FREM2: variants seen among roughly 807,000 people sequenced by gnomAD.
FREM2 encodes FRAS1 related extracellular matrix 2.
Under a neutral mutation model 219.9 loss-of-function variants are expected in FREM2, and 119 were observed. The observed-to-expected ratio is 0.54, with a 90% CI of 0.47 to 0.63. FREM2 has a LOEUF of 0.63. Ranked by LOEUF, FREM2 falls within the 30% of genes least tolerant of loss-of-function variation. The pLI is 0.00. For synonymous variants in FREM2, 1,562 were observed against 1,522.8 expected (o/e 1.03, Z -0.60); for missense variants, 4,030 against 3,993.6 (o/e 1.01, Z -0.25).
chr13:38,801,901 G>A (rs1057323697), intron 6 of FREM2, among the ~76,000 whole-genome samples: 1 of 152,188 alleles, frequency 6.6e-6, no homozygotes. Context: ...TGGATATAAT[G>A]TGGGAACCCA....
chr13:38,821,223 A>T (rs544859759), intron 6 of FREM2, among the ~76,000 whole-genome samples: 1 of 152,026 alleles, frequency 6.6e-6, no homozygotes, highest in Non-Finnish European at 1.5e-5. Context: ...TGGACATCAG[A>T]TCTTCTTTTC....
intron 2 of FREM2, among the ~76,000 whole-genome samples, chr13:38,755,376 C>A (rs929539565): frequency 6.6e-6 from 1 of 152,104 alleles, no homozygotes; most frequent in Non-Finnish European, 1.5e-5. Context: ...GGCCACATAA[C>A]TGTGTGGTGA....
chr13:38,827,521 CTG>C (rs1302000752), intron 6 of FREM2: 3 of 152,098 alleles, frequency 2.0e-5, no homozygotes, highest in African/African-American at 7.2e-5. Flanking sequence ...ATACACCAGA[CTG>C]TATGTTTCTC....
intron 11 of FREM2, among the ~76,000 whole-genome samples, chr13:38,852,686 G>A (rs934772108): frequency 6.7e-6 from 1 of 149,828 alleles, no homozygotes; most frequent in African/African-American, 2.5e-5. Context: ...TTTTGCAAAT[G>A]TTGGGCCATG....
At chr13:38,789,721 A>G (rs1484433736) in intron 6 of FREM2, among the ~76,000 whole-genome samples, 6 of 150,842 alleles carry the variant, frequency 4.0e-5, no homozygotes, top group Non-Finnish European at 7.4e-5. Flanking sequence ...CTATATTTGC[A>G]TTTTGAGAAG....
At chr13:38,783,231 A>G (rs745903726) in intron 5 of FREM2, 36 bp downstream of exon 5, 4 of 1,611,880 alleles carry the variant, frequency 2.5e-6, no homozygotes, top group East Asian at 2.2e-5. Context: ...GATAACCCCC[A>G]AAAGATATAA....
intron 2 of FREM2, among the ~76,000 whole-genome samples, chr13:38,758,916 C>T (rs996918013): frequency 5.3e-5 from 8 of 152,066 alleles, no homozygotes; most frequent in African/African-American, 1.9e-4. Context: ...ACCTATAGTC[C>T]CAACTACTCA....
chr13:38,877,076 G>A, intron 20 of FREM2, 41 bp from the exon 21 acceptor site: 1 of 1,612,526 alleles, frequency 6.2e-7, no homozygotes, highest in Non-Finnish European at 8.5e-7. Context: ...TGCACCATCA[G>A]AACCACTGAT....
Position 38,848,584 on chromosome 13 carries a change from T to C in FREM2, c.6293T>C (p.Phe2098Ser). The change falls in exon 8 of 24, where the codon TTT becomes TCT. Residue 2098 changes from phenylalanine to serine, a missense_variant. Coordinates refer to ENST00000280481, the MANE Select transcript of FREM2 (RefSeq NM_207361.6). ...CCAGCGCTGGAGGGAATTGAGAAAT[T>C]TGAACTGGTGCTTCGCATGCCTATG... Reference protein sequence around the residue: ...GQPALEGIEKFELVLRMPMNA... With the variant: ...GQPALEGIEKSELVLRMPMNA... 2 of 1,614,038 alleles carry C rather than the reference T, an allele frequency of 1.2e-6. No homozygotes were observed. Among genetic ancestry groups the C allele is most frequent in the Non-Finnish European group, 1.7e-6 (2 of 1,179,976 alleles).
In FREM2 at chr13:38,880,482, A is replaced by T. The variant is rs1312319411; in HGVS notation, c.9205A>T (p.Asn3069Tyr). The T allele has an allele frequency of 1.2e-6, 2 of 1,614,076 alleles. No homozygotes were observed. The highest frequency in any genetic ancestry group is 3.3e-5 in the Admixed American group (2 of 60,006). The change falls in exon 24 of 24, where the codon AAC becomes TAC. Residue 3069 changes from asparagine to tyrosine, a missense_variant. Physicochemically the swap from Asn to Tyr is moderately radical, Grantham distance 143 (BLOSUM62 -2). Around this residue, in one of 2 missense-constraint regions of FREM2, gnomAD observed 928 missense variants for 1,042.9 expected, o/e 0.89. Transcript: ENST00000280481. ...ACTGGCATGGGAGATTGGTGCTGAA[A>T]ACAGTCGAGGAACAAACATCCAGCA... The part of the protein sequence containing the change: ...PSLAWEIGAE[N>Y]SRGTNIQHIA...
At chr13:38,836,873 T>C (rs973464245) in intron 6 of FREM2, among the ~76,000 whole-genome samples, 2 of 152,116 alleles carry the variant, frequency 1.3e-5, no homozygotes, top group African/African-American at 2.4e-5. Flanking sequence ...GTATCTATTT[T>C]GTTAATATTT....
chr13:38,852,276 A>T (rs1332860134), intron 11 of FREM2, among the ~76,000 whole-genome samples: 1 of 152,142 alleles, frequency 6.6e-6, no homozygotes, highest in Non-Finnish European at 1.5e-5. Context: ...AAATATAGAC[A>T]TACTCTTTTA....
chr13:38,730,629 C>T (rs1024316303), intron 2 of FREM2, among the ~76,000 whole-genome samples: 1 of 152,178 alleles, frequency 6.6e-6, no homozygotes, highest in East Asian at 1.9e-4. Flanking sequence ...GGCAGCTCAC[C>T]CTCACTCCCA....
intron 11 of FREM2, among the ~76,000 whole-genome samples, chr13:38,852,486 A>G (rs997135628): frequency 2.0e-5 from 3 of 152,148 alleles, no homozygotes; most frequent in East Asian, 1.9e-4. Context: ...ATATTTTTCT[A>G]TGTAATTGCA....
intron 2 of FREM2, among the ~76,000 whole-genome samples, chr13:38,703,039 G>A (rs1415599265): frequency 2.0e-5 from 3 of 152,064 alleles, no homozygotes; most frequent in African/African-American, 7.2e-5. Context: ...TGTCATTTAA[G>A]GTCAAGGCTT....
chr13:38,700,235 C>A (rs1207332090), intron 2 of FREM2, among the ~76,000 whole-genome samples: 1 of 152,018 alleles, frequency 6.6e-6, no homozygotes, highest in Non-Finnish European at 1.5e-5. Flanking sequence ...AATTGTGTTA[C>A]CATGGGAATC....
In FREM2 at chr13:38,859,364, G is replaced by A. The variant is rs151086294; in HGVS notation, c.7293G>A (p.Thr2431=). 9.2e-5 allele frequency: 148 copies of A among 1,614,144 alleles called. No homozygotes were observed. In the African/African-American group the frequency reaches 1.5e-3, roughly 17 times the overall value. Residue 2431 remains threonine, a synonymous_variant, in exon 14 of 24, where the codon ACG becomes ACA. Transcript: ENST00000280481. ...GTGAGAACATCAATGACACTTTGAC[G>A]CGGTACCGGTGGCTGATTAGTGCAC... ...CASENINDTL[T]RYRWLISAPA... is the part of the protein sequence containing the mutation.
intron 6 of FREM2, among the ~76,000 whole-genome samples, chr13:38,836,337 G>A (rs758460932): frequency 2.0e-5 from 3 of 152,090 alleles, no homozygotes; most frequent in Admixed American, 6.5e-5. Flanking sequence ...TGCTGGATTC[G>A]GTTTGCCAGT....
chr13:38,711,966 C>A (rs2442367), intron 2 of FREM2, among the ~76,000 whole-genome samples: 92,176 of 140,666 alleles, frequency 0.66, 31,577 homozygotes, highest in Middle Eastern at 0.79. Context: ...GTTGCCCAGG[C>A]TGGAGTGCAG....
Sources: allele counts gnomAD v4.1 joint callset (sites outside exome capture counted in the v4.1 genomes callset), GRCh38; gene constraint gnomAD v4.1.1; regional missense constraint gnomAD v4.1.1; transcripts MANE v1.5; gene names NCBI Gene and HGNC (gene_info 2026-07-23, HGNC 2026-07-21).